The following UBE2L3 variants were observed in gnomAD, a reference collection of about 807,000 sequenced individuals.
UBE2L3 encodes the protein ubiquitin-conjugating enzyme E2 L3.
UBE2L3 carries 1 observed loss-of-function variant against 17.8 expected under a neutral mutation model. That is an observed-to-expected ratio of 0.06 (90% CI 0.02 to 0.27). UBE2L3 has a LOEUF of 0.27. UBE2L3 is among the 10% of genes least tolerant of loss of function. UBE2L3 has a pLI of 1.00. For synonymous variants in UBE2L3, 44 were observed against 68.5 expected (o/e 0.64, Z 1.76); for missense variants, 40 against 192.6 (o/e 0.21, Z 4.69).
At chr22:21,583,162 A>G (rs188802373) in intron 1 of UBE2L3, among the ~76,000 whole-genome samples, 10 of 152,038 alleles carry the variant, frequency 6.6e-5, no homozygotes, top group Admixed American at 4.6e-4. Context: ...TCTGCCCTCC[A>G]TGTCTCTGCA....
intron 1 of UBE2L3, among the ~76,000 whole-genome samples, chr22:21,575,444 C>T (rs1434540315): frequency 7.0e-6 from 1 of 143,200 alleles, no homozygotes; most frequent in Non-Finnish European, 1.5e-5. Context: ...CAAAAATCAG[C>T]CGAGTGTGGT....
chr22:21,563,054 C>G (rs1926501987), upstream of UBE2L3, among the ~76,000 whole-genome samples: 1 of 145,816 alleles, frequency 6.9e-6, no homozygotes, highest in Non-Finnish European at 1.5e-5. Context: ...TCAGCCTGAC[C>G]AACATGGTGA....
At chr22:21,600,819 T>C (rs1038491791) in intron 2 of UBE2L3, among the ~76,000 whole-genome samples, 1 of 152,218 alleles carries the variant, frequency 6.6e-6, no homozygotes, top group Non-Finnish European at 1.5e-5. Context: ...GAATCTCATG[T>C]GGCAGATTTT....
In UBE2L3 at chr22:21,593,054, T is replaced by C. The variant is rs564012493; in HGVS notation, c.123+98T>C. 8.5e-5 allele frequency: 88 copies of C among 1,035,996 alleles called. No homozygotes were observed. The African/African-American group carries it at 1.3e-3, about 15-fold the overall frequency. The allele number at this position is 1,035,996 out of a possible 1,614,324, so 64.2% of individuals were successfully genotyped here. The stretch of plus-strand genomic sequence containing the variant: ...TCTGCTCCTTAGTAGGCTCTTAGTC[T>C]AGGCAGCCAGCAGATGCACAGAAGT... On this transcript the variant is annotated intron_variant, in intron 2 of 3. Transcript: ENST00000342192.
rs1440978401 is a variant in UBE2L3 at position 21,622,290 on chromosome 22, C to CT, written c.*621_*622insT. The CT allele has an allele frequency of 6.5e-6, 1 of 153,012 alleles. No homozygotes were observed. The highest frequency in any genetic ancestry group is 2.4e-5 in the African/African-American group (1 of 41,438). The allele number at this position is 153,012 out of a possible 1,614,324, so 9.5% of individuals were successfully genotyped here. On this transcript the variant is annotated 3_prime_UTR_variant, in exon 4 of 4. Transcript: ENST00000342192. Reference sequence around the variant, plus strand: ...TTCTCCTCAGTTCTTGTGTGAAACTCCAGCTGATGTTACCACAGTAACATC... The same window carrying CT: ...TTCTCCTCAGTTCTTGTGTGAAACTCTCAGCTGATGTTACCACAGTAACATC...
At chr22:21,568,632 G>T (rs1926777541) in intron 1 of UBE2L3, among the ~76,000 whole-genome samples, 1 of 152,122 alleles carries the variant, frequency 6.6e-6, no homozygotes, top group Non-Finnish European at 1.5e-5. Flanking sequence ...TGCTAAATTG[G>T]CTTAGTACTT....
At chr22:21,590,078 T>A (rs1016756710) in intron 1 of UBE2L3, among the ~76,000 whole-genome samples, 6 of 152,190 alleles carry the variant, frequency 3.9e-5, no homozygotes, top group African/African-American at 1.4e-4. Context: ...CTGCTTCCTC[T>A]CCTTTTTCTT....
chr22:21,617,518 C>T lies in UBE2L3; in HGVS notation c.311-3997C>T, dbSNP rs909315577. On this transcript the variant is annotated intron_variant, in intron 3 of 3. Coordinates refer to ENST00000342192, the MANE Select transcript of UBE2L3 (RefSeq NM_003347.4). ...CTGAGCTCAGACAGTCTGCCCACTT[C>T]GGCTTCCCAAAGTGCTAGGGTTACA... 2.6e-5 allele frequency among the ~76,000 whole-genome samples: 4 copies of T among 152,120 alleles called. 1 individual carries two copies. The highest frequency in any genetic ancestry group is 2.1e-4 in the South Asian group (1 of 4,830).
intron 1 of UBE2L3, among the ~76,000 whole-genome samples, chr22:21,561,266 G>GTGC (rs1926421096): frequency 6.6e-6 from 1 of 152,308 alleles, no homozygotes; most frequent in African/African-American, 2.4e-5. Flanking sequence ...GAGATGCTGG[G>GTGC]TGCTGCCTTT....
At chr22:21,563,953 G>A (rs1213448093), upstream of UBE2L3, among the ~76,000 whole-genome samples, 1 of 151,720 alleles carries the variant, frequency 6.6e-6, no homozygotes, top group African/African-American at 2.4e-5. Context: ...TAATTCTCCC[G>A]CTTCAGCCTC....
At chr22:21,593,479 C>T (rs2148423218) in intron 2 of UBE2L3, among the ~76,000 whole-genome samples, 1 of 152,200 alleles carries the variant, frequency 6.6e-6, no homozygotes, top group African/African-American at 2.4e-5. Context: ...TTTTCTGGGG[C>T]TTATGCCTCC....
intron 3 of UBE2L3, among the ~76,000 whole-genome samples, chr22:21,618,734 T>C (rs1305904981): frequency 3.3e-5 from 5 of 152,058 alleles, no homozygotes; most frequent in Non-Finnish European, 7.4e-5. Flanking sequence ...ACTACAGGCA[T>C]GTGCCACCAC....
intron 1 of UBE2L3, among the ~76,000 whole-genome samples, chr22:21,562,670 CTTTT>C (rs131653): frequency 5.7e-5 from 6 of 105,234 alleles, no homozygotes; most frequent in Admixed American, 3.0e-4. Context: ...CACGCCTGGG[CTTTT>C]TTTTTTTTTT....
chr22:21,559,471 T>C (rs461121), intron 1 of UBE2L3, among the ~76,000 whole-genome samples: 7 of 152,120 alleles, frequency 4.6e-5, no homozygotes, highest in East Asian at 2.0e-4. Context: ...TAAATACAAA[T>C]AACAATGGAA....
At chr22:21,584,937 G>C (rs1927856334) in intron 1 of UBE2L3, among the ~76,000 whole-genome samples, 1 of 152,172 alleles carries the variant, frequency 6.6e-6, no homozygotes, top group African/African-American at 2.4e-5. Context: ...CTCCAGCCTG[G>C]AGAGCGAGAC....
chr22:21,597,533 G>A (rs949717285), intron 2 of UBE2L3, among the ~76,000 whole-genome samples: 1 of 152,038 alleles, frequency 6.6e-6, no homozygotes, highest in Non-Finnish European at 1.5e-5. Flanking sequence ...CCAGGCTCAA[G>A]TGGTCCTCCT....
At chr22:21,551,965 A>G (rs1926082119) in intron 1 of UBE2L3, among the ~76,000 whole-genome samples, 1 of 121,156 alleles carries the variant, frequency 8.3e-6, no homozygotes, top group African/African-American at 3.6e-5. Context: ...CAGAAGAAAC[A>G]TACATACACA....
rs527862956 is a variant in UBE2L3 at position 21,600,699 on chromosome 22, A to G, written c.123+7743A>G. Among the ~76,000 whole-genome samples, 19 of 152,238 alleles carry G rather than the reference A, an allele frequency of 1.2e-4. No homozygotes were observed. The South Asian group carries it at 3.7e-3, about 30-fold the overall frequency. ...CGACAGAGTGAGACTCCATCTCAAA[A>G]AAAAGGAAATATTTGTTGCCAAAGA... On this transcript the variant is annotated intron_variant, in intron 2 of 3. Coordinates refer to ENST00000342192, the MANE Select transcript of UBE2L3 (RefSeq NM_003347.4).
chr22:21,611,259 G>A (rs573162025), intron 3 of UBE2L3, among the ~76,000 whole-genome samples: 2 of 152,318 alleles, frequency 1.3e-5, no homozygotes, highest in Admixed American at 1.3e-4. Flanking sequence ...CTCAGCCCTG[G>A]GCTGCCATCC....
Sources: gnomAD v4.1 joint callset for allele counts (sites outside exome capture counted in the v4.1 genomes callset) on GRCh38, gnomAD v4.1.1 for gene constraint, MANE v1.5 for transcripts, NCBI Gene and HGNC (gene_info 2026-07-23, HGNC 2026-07-21) for gene names.